GRID1: variants seen among roughly 807,000 people sequenced by gnomAD.
The protein encoded by GRID1 is glutamate receptor ionotropic, delta-1.
GRID1 carries 28 observed loss-of-function variants against 98.0 expected under a neutral mutation model. That is an observed-to-expected ratio of 0.29 (90% CI 0.21 to 0.39). GRID1 has a LOEUF of 0.39. Ranked by LOEUF, GRID1 falls within the 10% of genes least tolerant of loss-of-function variation. The pLI is 1.00. For missense variants in GRID1, 1,111 were observed against 1,340.5 expected, an observed-to-expected ratio of 0.83 and a Z score of 2.67; for synonymous variants, 553 against 538.5, an observed-to-expected ratio of 1.03 and a Z score of -0.37.
intron 8 of GRID1, among the ~76,000 whole-genome samples, chr10:85,741,063 T>G (rs1841938601): frequency 6.6e-6 from 1 of 152,092 alleles, no homozygotes; most frequent in South Asian, 2.1e-4. Flanking sequence ...ACATAACTTT[T>G]TGTTAAGGCA....
At chr10:85,921,772 G>A (rs1171012291) in intron 4 of GRID1, among the ~76,000 whole-genome samples, 1 of 152,186 alleles carries the variant, frequency 6.6e-6, no homozygotes, top group Admixed American at 6.5e-5. Flanking sequence ...CGCATTGGAG[G>A]AGGCATCTCC....
At chr10:85,771,055 T>G (rs1004474304) in intron 8 of GRID1, among the ~76,000 whole-genome samples, 1 of 152,036 alleles carries the variant, frequency 6.6e-6, no homozygotes, top group Non-Finnish European at 1.5e-5. Context: ...GGAAAAAATG[T>G]TAAGGGCAGC....
Position 85,906,184 on chromosome 10 carries a change from G to A in GRID1, c.780+10002C>T, listed in dbSNP as rs1841458060. ...CTAATTTAAGTCCTAATGATAGAGG[G>A]TTAATAAATCAAGAGAACATAAAAA... On this transcript the variant is annotated intron_variant, in intron 5 of 15. Coordinates refer to ENST00000327946, the MANE Select transcript of GRID1 (RefSeq NM_017551.3). 2.0e-5 allele frequency among the ~76,000 whole-genome samples: 3 copies of A among 152,086 alleles called. No homozygotes were observed. In the Middle Eastern group the frequency reaches 0.01, roughly 521 times the overall value.
At chr10:86,144,813 T>A (rs1490157091) in intron 3 of GRID1, among the ~76,000 whole-genome samples, 1 of 152,134 alleles carries the variant, frequency 6.6e-6, no homozygotes, top group Non-Finnish European at 1.5e-5. Context: ...TTCTCACGTG[T>A]CTGAGAACAG....
intron 8 of GRID1, among the ~76,000 whole-genome samples, chr10:85,787,381 C>G (rs1297143741): frequency 6.6e-6 from 1 of 152,158 alleles, no homozygotes; most frequent in African/African-American, 2.4e-5. Context: ...CACCTGGACC[C>G]AGTTCATAAG....
chr10:85,921,396 C>G (rs1239674547), intron 4 of GRID1, among the ~76,000 whole-genome samples: 1 of 152,162 alleles, frequency 6.6e-6, no homozygotes, highest in Non-Finnish European at 1.5e-5. Context: ...AGCAACAGCC[C>G]CAATCTGAAC....
At chr10:85,937,935 T>C (rs527951035) in intron 4 of GRID1, among the ~76,000 whole-genome samples, 3 of 152,344 alleles carry the variant, frequency 2.0e-5, no homozygotes, top group African/African-American at 4.8e-5. Context: ...CAGAAAGATA[T>C]TCACATCAAG....
chr10:86,118,390 C>T (rs1156680408), intron 4 of GRID1, among the ~76,000 whole-genome samples: 1 of 152,042 alleles, frequency 6.6e-6, no homozygotes, highest in Non-Finnish European at 1.5e-5. Context: ...ATGTACACTG[C>T]TCAGGTGATG....
At chr10:85,796,142 G>C (rs1221478019) in intron 8 of GRID1, among the ~76,000 whole-genome samples, 3 of 152,146 alleles carry the variant, frequency 2.0e-5, no homozygotes, top group Non-Finnish European at 4.4e-5. Context: ...GGAGAGAATA[G>C]AGAATAAAGA....
intron 2 of GRID1, among the ~76,000 whole-genome samples, chr10:86,338,303 C>G (rs531661497): frequency 1.3e-5 from 2 of 152,020 alleles, no homozygotes; most frequent in Admixed American, 6.5e-5. Context: ...TCTTTCCCCT[C>G]GAGTGGAAAG....
At position 86,363,930 on chromosome 10, in the gene GRID1, C is replaced by A. The variant is rs1367066965; in HGVS notation, c.235+11G>T. 1.2e-6 allele frequency: 2 copies of A among 1,611,196 alleles called. No individual in the cohort carries two copies. The highest frequency in any genetic ancestry group is 1.7e-6 in the Non-Finnish European group (2 of 1,178,014). On this transcript the variant is annotated intron_variant, in intron 2 of 15. Coordinates refer to ENST00000327946, the MANE Select transcript of GRID1 (RefSeq NM_017551.3). ...GTGTCCCAGTGGGCCCTGGGCACAG[C>A]GGTCACTCACCTTCCTGCACAGCCT...
chr10:86,151,369 A>T (rs1053174076), intron 3 of GRID1, among the ~76,000 whole-genome samples: 2 of 152,034 alleles, frequency 1.3e-5, no homozygotes, highest in African/African-American at 4.8e-5. Flanking sequence ...GCTGGGATCC[A>T]ACCCTGGATC....
chr10:85,947,569 C>A (rs936718948), intron 4 of GRID1, among the ~76,000 whole-genome samples: 2 of 152,166 alleles, frequency 1.3e-5, no homozygotes, highest in African/African-American at 4.8e-5. Context: ...CACAAGTGCA[C>A]GTCCATGGAG....
In GRID1 at chr10:85,916,251, A is replaced by G; in HGVS notation, c.727-12T>C. On this transcript the variant is annotated splice_polypyrimidine_tract_variant and intron_variant, in intron 4 of 15. Coordinates refer to ENST00000327946, the MANE Select transcript of GRID1 (RefSeq NM_017551.3). The surrounding 1 kb of genome is among the most constrained non-coding windows in gnomAD (Gnocchi z 4.0). ...TTGGTCTCCACGGCCTGCAGAGAGA[A>G]AAAGAACGAACATGAACAGAAGCAA... The G allele has an allele frequency of 2.5e-6, 4 of 1,607,956 alleles. No individual in the cohort carries two copies. The highest frequency in any genetic ancestry group is 3.4e-6 in the Non-Finnish European group (4 of 1,174,432).
chr10:85,711,370 C>G (rs1841580054), intron 12 of GRID1, among the ~76,000 whole-genome samples: 1 of 151,780 alleles, frequency 6.6e-6, no homozygotes, highest in Non-Finnish European at 1.5e-5. Context: ...TGGAAATAAG[C>G]CATTCATAAA....
chr10:85,738,306 T>C (rs1712929835), intron 8 of GRID1, among the ~76,000 whole-genome samples: 1 of 152,194 alleles, frequency 6.6e-6, no homozygotes, highest in Non-Finnish European at 1.5e-5. Flanking sequence ...TCATGAGTCA[T>C]CAGGGAACTG....
At chr10:86,277,235 T>C (rs1273774245) in intron 2 of GRID1, among the ~76,000 whole-genome samples, 3 of 152,238 alleles carry the variant, frequency 2.0e-5, no homozygotes, top group Non-Finnish European at 4.4e-5. Context: ...ATATAAATTT[T>C]ACCACAACTT....
chr10:85,790,290 A>G (rs1044410974), intron 8 of GRID1, among the ~76,000 whole-genome samples: 2 of 152,240 alleles, frequency 1.3e-5, no homozygotes, highest in African/African-American at 4.8e-5. Context: ...ATATAGACGG[A>G]ACAAGAGAAT....
At chr10:86,133,064 G>A (rs139956066) in intron 4 of GRID1, among the ~76,000 whole-genome samples, 1 of 152,242 alleles carries the variant, frequency 6.6e-6, no homozygotes, top group Non-Finnish European at 1.5e-5. Flanking sequence ...TAACTGCAGA[G>A]GTCAATGCCA....
Sources: gnomAD v4.1 joint callset for allele counts (sites outside exome capture counted in the v4.1 genomes callset) on GRCh38, gnomAD v4.1.1 for gene constraint, Gnocchi (gnomAD v3.1) non-coding constraint, MANE v1.5 for transcripts, NCBI Gene and HGNC (gene_info 2026-07-23, HGNC 2026-07-21) for gene names.